The following GDPD4 variants were observed in gnomAD, a reference collection of about 807,000 sequenced individuals.
The protein encoded by GDPD4 is glycerophosphodiester phosphodiesterase 6.
GDPD4 carries 60 observed loss-of-function variants against 67.8 expected under a neutral mutation model. That is an observed-to-expected ratio of 0.88 (90% CI 0.72 to 1.10). The LOEUF (loss-of-function observed/expected upper bound fraction) is 1.10. Among genes scored for constraint, GDPD4 ranks in the 50% least tolerant of loss-of-function variants. The pLI, the probability that GDPD4 is intolerant of heterozygous loss-of-function variation, is 0.00. For missense variants in GDPD4, 623 were observed against 613.9 expected, an observed-to-expected ratio of 1.01 and a Z score of -0.16; for synonymous variants, 212 against 210.9, an observed-to-expected ratio of 1.00 and a Z score of -0.04.
chr11:77,258,434 C>G lies in GDPD4; in HGVS notation c.816G>C (p.Trp272Cys). 6.2e-7 allele frequency: 1 copy of G among 1,614,076 alleles called. No homozygotes were observed. The highest frequency in any genetic ancestry group is 2.2e-5 in the East Asian group (1 of 44,878). ...CTGCATTCAGAGTCGATAGGAAATCCCAGTTGAAGAAGGCAGGGTTCTCGC... is the reference window on the plus strand; with the variant it reads ...CTGCATTCAGAGTCGATAGGAAATCGCAGTTGAAGAAGGCAGGGTTCTCGC... Reference protein sequence around the residue: ...SACENPAFFNWDFLSTLNAGK... With the variant: ...SACENPAFFNCDFLSTLNAGK... Residue 272 changes from tryptophan to cysteine, a missense_variant, in exon 11 of 17, where the codon TGG (tryptophan) becomes TGC (cysteine). Physicochemically the swap from Trp to Cys is radical, Grantham distance 215 (BLOSUM62 -2). Coordinates refer to ENST00000315938, the MANE Select transcript of GDPD4 (RefSeq NM_182833.3).
chr11:77,284,909 G>C (rs1483093138), intron 3 of GDPD4, among the ~76,000 whole-genome samples, 176 bp downstream of exon 3: 1 of 152,196 alleles, frequency 6.6e-6, no homozygotes, highest in Non-Finnish European at 1.5e-5. Flanking sequence ...AGGTTAGGGT[G>C]CTAAGCATCC....
chr11:77,280,464 A>G lies in GDPD4; in HGVS notation c.54-1065T>C, dbSNP rs985622541. On this transcript the variant is annotated intron_variant, in intron 3 of 16. Coordinates refer to ENST00000315938, the MANE Select transcript of GDPD4 (RefSeq NM_182833.3). ...TGAAATCTGGCCTTAATAGCACTCT[A>G]GATGTAGTCAAAGAACTAATCAGTT... 3.9e-5 allele frequency among the ~76,000 whole-genome samples: 6 copies of G among 152,118 alleles called. No individual in the cohort carries two copies. The South Asian group carries it at 1.2e-3, about 32-fold the overall frequency.
At chr11:77,218,998 C>G (rs377245808) in intron 16 of GDPD4, among the ~76,000 whole-genome samples, 7 of 152,284 alleles carry the variant, frequency 4.6e-5, no homozygotes, top group Non-Finnish European at 7.4e-5. Context: ...CTAGTTTACA[C>G]TCCTACCAAC....
chr11:77,273,081 C>G (rs1959293460), intron 5 of GDPD4, among the ~76,000 whole-genome samples: 1 of 152,048 alleles, frequency 6.6e-6, no homozygotes, highest in Admixed American at 6.5e-5. Flanking sequence ...GTATATCCTG[C>G]TAGAAATTTT....
intron 9 of GDPD4, 113 bp downstream of exon 9, chr11:77,268,811 T>C (rs1959191240): frequency 1.8e-6 from 2 of 1,104,764 alleles, no homozygotes; most frequent in East Asian, 4.7e-5. Flanking sequence ...ATTCTTGCCA[T>C]CTTAATGCAA....
chr11:77,297,193 A>T (rs1938001460), intron 1 of GDPD4, among the ~76,000 whole-genome samples: 2 of 152,176 alleles, frequency 1.3e-5, no homozygotes, highest in Admixed American at 1.3e-4. Context: ...AGATGTTAAC[A>T]ATTATAAATA....
chr11:77,271,952 C>T (rs911533873), intron 5 of GDPD4, among the ~76,000 whole-genome samples: 4 of 152,152 alleles, frequency 2.6e-5, no homozygotes, highest in African/African-American at 7.2e-5. Context: ...GATGAAAAAA[C>T]CTGCCTGCCA....
intron 1 of GDPD4, among the ~76,000 whole-genome samples, chr11:77,290,498 T>C (rs893801992): frequency 6.6e-6 from 1 of 152,116 alleles, no homozygotes; most frequent in Non-Finnish European, 1.5e-5. Flanking sequence ...GAAATTATTT[T>C]AACAACTTGG....
chr11:77,293,402 T>A (rs1041464633), intron 1 of GDPD4, among the ~76,000 whole-genome samples: 12 of 152,110 alleles, frequency 7.9e-5, no homozygotes, highest in Admixed American at 7.9e-4. Flanking sequence ...AAGACCAGCA[T>A]GGGCAACATG....
At chr11:77,241,638 TAAAAAAAAAA>T (rs36036994) in intron 13 of GDPD4, among the ~76,000 whole-genome samples, 10 of 60,824 alleles carry the variant, frequency 1.6e-4, no homozygotes, top group Admixed American at 2.5e-4. Flanking sequence ...ACCCTGTCTT[TAAAAAAAAAA>T]AAAAAAAAAA....
intron 15 of GDPD4, among the ~76,000 whole-genome samples, chr11:77,228,248 C>T (rs947352478): frequency 5.9e-5 from 9 of 151,888 alleles, no homozygotes; most frequent in East Asian, 1.9e-4. Flanking sequence ...CCTGTAATCC[C>T]GGCACTTTGG....
At position 77,271,151 on chromosome 11, in the gene GDPD4, C is replaced by T. The variant is rs367777591; in HGVS notation, c.379G>A (p.Val127Met). Residue 127 changes from valine to methionine, a missense_variant, in exon 7 of 17, where the codon GTG (valine) becomes ATG (methionine). Physicochemically the swap from Val to Met is conservative, Grantham distance 21 (BLOSUM62 1). Coordinates refer to ENST00000315938, the MANE Select transcript of GDPD4 (RefSeq NM_182833.3). ...VILFWPVAFY[V>M]ACLEREVRMR... ...ATACCTTCTCTTTCCAAACATGCCACGTAGAAGGCCACAGGCCAGAAAAGG... is the reference window on the plus strand; with the variant it reads ...ATACCTTCTCTTTCCAAACATGCCATGTAGAAGGCCACAGGCCAGAAAAGG... 3.0e-5 allele frequency: 49 copies of T among 1,611,526 alleles called. No individual in the cohort carries two copies. The highest frequency in any genetic ancestry group is 3.6e-5 in the Non-Finnish European group (42 of 1,178,648).
chr11:77,286,345 T>C (rs1263706320), intron 2 of GDPD4, among the ~76,000 whole-genome samples: 2 of 152,174 alleles, frequency 1.3e-5, no homozygotes, highest in Admixed American at 6.5e-5. Context: ...GTACTTATCT[T>C]TCCCCACAGT....
intron 3 of GDPD4, among the ~76,000 whole-genome samples, chr11:77,283,193 C>A (rs964884799): frequency 6.6e-6 from 1 of 152,162 alleles, no homozygotes; most frequent in Admixed American, 6.5e-5. Context: ...GGGTTCCAAG[C>A]CATGCCGGTG....
Position 77,245,520 on chromosome 11 carries a change from A to G in GDPD4, c.865-18T>C. 6.4e-7 allele frequency: 1 copy of G among 1,573,022 alleles called. No individual in the cohort carries two copies. Among genetic ancestry groups the G allele is most frequent in the Non-Finnish European group, 8.7e-7 (1 of 1,144,266 alleles). ...GGCCTGAGCTAGAAACAAATACATC[A>G]AAAAATACATAAAAGCACTTTCCAG... On this transcript the variant is annotated intron_variant, in intron 11 of 16. Coordinates refer to ENST00000315938, the MANE Select transcript of GDPD4 (RefSeq NM_182833.3).
chr11:77,283,851 A>ATTTTTTTTTTTTT (rs71272229), intron 3 of GDPD4, among the ~76,000 whole-genome samples: 1 of 124,542 alleles, frequency 8.0e-6, no homozygotes, highest in African/African-American at 3.0e-5. Flanking sequence ...GACATAATGA[A>ATTTTTTTTTTTTT]TTTTTTTTTT....
intron 10 of GDPD4, among the ~76,000 whole-genome samples, chr11:77,259,218 G>C (rs1035097211): frequency 6.6e-6 from 1 of 152,058 alleles, no homozygotes; most frequent in Non-Finnish European, 1.5e-5. Context: ...GGCCTCAAGT[G>C]ATCCGCCCAC....
intron 5 of GDPD4, among the ~76,000 whole-genome samples, chr11:77,274,344 T>C (rs1959352951): frequency 6.6e-6 from 1 of 152,208 alleles, no homozygotes; most frequent in African/African-American, 2.4e-5. Context: ...TGTTGAAATG[T>C]GACCACCAAT....
chr11:77,252,850 G>A (rs1958934121), intron 11 of GDPD4, among the ~76,000 whole-genome samples: 1 of 152,194 alleles, frequency 6.6e-6, no homozygotes, highest in Non-Finnish European at 1.5e-5. Flanking sequence ...CAACAGCAGA[G>A]GTGTATGTTG....
Sources: gnomAD v4.1 joint callset for allele counts (sites outside exome capture counted in the v4.1 genomes callset) on GRCh38, gnomAD v4.1.1 for gene constraint, MANE v1.5 for transcripts, NCBI Gene and HGNC (gene_info 2026-07-23, HGNC 2026-07-21) for gene names.